PTPRT: variants seen among roughly 807,000 people sequenced by gnomAD.
PTPRT encodes receptor-type tyrosine-protein phosphatase T.
Under a neutral mutation model 176.8 loss-of-function variants are expected in PTPRT, and 56 were observed. The observed-to-expected ratio is 0.32, with a 90% CI of 0.26 to 0.40. PTPRT has a LOEUF of 0.40. Among genes scored for constraint, PTPRT ranks in the 10% least tolerant of loss-of-function variants. PTPRT has a pLI of 1.00. For missense variants in PTPRT, 1,540 were observed against 1,908.2 expected (o/e 0.81, Z 3.60); for synonymous variants, 783 against 739.0 (o/e 1.06, Z -0.96).
chr20:43,105,685 C>T (rs2012575286), intron 1 of PTPRT, among the ~76,000 whole-genome samples: 1 of 152,218 alleles, frequency 6.6e-6, no homozygotes, highest in Admixed American at 6.5e-5. Context: ...AAGGTGTGAG[C>T]CACCGCACCC....
intron 9 of PTPRT, among the ~76,000 whole-genome samples, chr20:42,421,011 T>C (rs1343338262): frequency 1.3e-5 from 2 of 152,212 alleles, no homozygotes; most frequent in African/African-American, 4.8e-5. Flanking sequence ...CCCTAAGTCA[T>C]GCATAGCTCA....
chr20:42,312,394 G>T (rs1323580984), intron 12 of PTPRT, among the ~76,000 whole-genome samples: 4 of 152,164 alleles, frequency 2.6e-5, no homozygotes, highest in Non-Finnish European at 4.4e-5. Flanking sequence ...TTTATGATAT[G>T]GAAAAATTTG....
chr20:42,084,372 T>C (rs1045228443), intron 29 of PTPRT, among the ~76,000 whole-genome samples: 1 of 152,254 alleles, frequency 6.6e-6, no homozygotes, highest in African/African-American at 2.4e-5. Flanking sequence ...CTTTCCCTCA[T>C]GCTCTTTTTG....
Position 42,558,640 on chromosome 20 carries a change from G to A in PTPRT, c.1154-86078C>T, listed in dbSNP as rs555441886. Among the ~76,000 whole-genome samples the A allele has an allele frequency of 7.9e-5, 12 of 152,092 alleles. No homozygotes were observed. The South Asian group carries it at 2.5e-3, about 32-fold the overall frequency. ...ATAAAGAAGAAAATGGACTCACACG[G>A]CACAGAGGGGTATCTCAAACCCAAC... On this transcript the variant is annotated intron_variant, in intron 7 of 30. Transcript: ENST00000373187.
At chr20:42,582,300 G>A (rs898540001) in intron 7 of PTPRT, among the ~76,000 whole-genome samples, 1 of 152,138 alleles carries the variant, frequency 6.6e-6, no homozygotes, top group Non-Finnish European at 1.5e-5. Context: ...GGAGGCCCCT[G>A]GGGAGAAGAG....
intron 6 of PTPRT, among the ~76,000 whole-genome samples, chr20:42,711,565 C>T (rs2076145134): frequency 6.6e-6 from 1 of 152,128 alleles, no homozygotes. Flanking sequence ...CAAATGCTGG[C>T]ACTATGCTTC....
At chr20:42,129,344 G>A (rs758266520) in intron 18 of PTPRT, among the ~76,000 whole-genome samples, 3 of 152,132 alleles carry the variant, frequency 2.0e-5, no homozygotes, top group Non-Finnish European at 4.4e-5. Context: ...TTAAAGTGAG[G>A]CTGACTAAAT....
intron 1 of PTPRT, among the ~76,000 whole-genome samples, chr20:42,987,734 C>G (rs568652085): frequency 6.6e-6 from 1 of 152,278 alleles, no homozygotes; most frequent in Admixed American, 6.5e-5. Flanking sequence ...CCTGACACCC[C>G]CACACCAAAA....
chr20:43,090,325 T>C (rs2011776093), intron 1 of PTPRT, among the ~76,000 whole-genome samples: 1 of 151,750 alleles, frequency 6.6e-6, no homozygotes, highest in Non-Finnish European at 1.5e-5. Context: ...TGGAGTGCAG[T>C]GGCGCCATCT....
rs114571862 is a variant in PTPRT at position 42,328,499 on chromosome 20, G to C, written c.1866-12503C>G. Among the ~76,000 whole-genome samples, 332 of 152,092 alleles carry C rather than the reference G, an allele frequency of 2.2e-3. 1 individual carries two copies. The highest frequency in any genetic ancestry group is 7.6e-3 in the African/African-American group (314 of 41,492). On this transcript the variant is annotated intron_variant, in intron 11 of 30. Coordinates refer to ENST00000373187, the MANE Select transcript of PTPRT (RefSeq NM_007050.6). ...ACTGCAGGTACACAAGACAGATTTA[G>C]TAATAGAAAATCTAGGAAAATATCA...
chr20:42,210,552 C>T (rs1462207862), intron 15 of PTPRT, among the ~76,000 whole-genome samples: 2 of 151,976 alleles, frequency 1.3e-5, no homozygotes, highest in Non-Finnish European at 2.9e-5. Context: ...ACAATTGCCT[C>T]AAAGAGAATA....
At chr20:42,530,798 C>T (rs1233213402) in intron 7 of PTPRT, among the ~76,000 whole-genome samples, 5 of 152,106 alleles carry the variant, frequency 3.3e-5, no homozygotes, top group African/African-American at 1.2e-4. Flanking sequence ...CATCCAGGAG[C>T]CCTACTTCTG....
intron 1 of PTPRT, among the ~76,000 whole-genome samples, chr20:43,158,618 C>A (rs911879550): frequency 3.3e-5 from 5 of 152,212 alleles, no homozygotes; most frequent in African/African-American, 4.8e-5. Context: ...CACAGCCAGA[C>A]CTCACTCCAG....
intron 5 of PTPRT, 147 bp from the exon 6 acceptor site, chr20:42,756,783 C>A: frequency 1.5e-6 from 1 of 686,764 alleles, no homozygotes; most frequent in Non-Finnish European, 2.3e-6. Context: ...GGCACAGTGG[C>A]TCATGCCTGT....
chr20:42,352,893 G>A (rs988985316), intron 9 of PTPRT, among the ~76,000 whole-genome samples: 3 of 151,534 alleles, frequency 2.0e-5, no homozygotes, highest in African/African-American at 7.3e-5. Flanking sequence ...AACAGAGGGC[G>A]ACCCACAGAT....
intron 16 of PTPRT, among the ~76,000 whole-genome samples, chr20:42,167,823 C>T (rs1020013640): frequency 2.6e-5 from 4 of 152,112 alleles, no homozygotes; most frequent in African/African-American, 9.7e-5. Context: ...AGCTATAGGA[C>T]CTCAAATAAG....
chr20:42,581,548 G>A lies in PTPRT; in HGVS notation c.1153+96318C>T, dbSNP rs188342213. Among the ~76,000 whole-genome samples, 3 of 144,558 alleles carry A rather than the reference G, an allele frequency of 2.1e-5. No individual in the cohort carries two copies. The East Asian group carries it at 6.1e-4, about 29-fold the overall frequency. The allele number at this position is 144,558 out of a possible 152,430, so 94.8% of individuals were successfully genotyped here. Reference sequence around the variant, plus strand: ...GGCTGCATAAAAAAAAAAAAAAAAGGCTTAAACTCACAGGAGAGGAAATTT... The same window carrying A: ...GGCTGCATAAAAAAAAAAAAAAAAGACTTAAACTCACAGGAGAGGAAATTT... On this transcript the variant is annotated intron_variant, in intron 7 of 30. Coordinates refer to ENST00000373187, the MANE Select transcript of PTPRT (RefSeq NM_007050.6).
At chr20:42,263,577 C>T (rs2146971746) in intron 13 of PTPRT, among the ~76,000 whole-genome samples, 1 of 151,584 alleles carries the variant, frequency 6.6e-6, no homozygotes, top group Non-Finnish European at 1.5e-5. Flanking sequence ...GACGGGGTTT[C>T]ACCATGTTGG....
At chr20:42,991,658 C>A (rs922655469) in intron 1 of PTPRT, among the ~76,000 whole-genome samples, 2 of 152,096 alleles carry the variant, frequency 1.3e-5, no homozygotes. Context: ...TTGCACAACA[C>A]CTGAATCTAC....
Sources: gnomAD v4.1 joint callset for allele counts (sites outside exome capture counted in the v4.1 genomes callset) on GRCh38, gnomAD v4.1.1 for gene constraint, MANE v1.5 for transcripts, NCBI Gene and HGNC (gene_info 2026-07-23, HGNC 2026-07-21) for gene names.